ZNF236: variants seen among roughly 807,000 people sequenced by gnomAD.
ZNF236 encodes zinc finger protein 236, also known as regulated by glucose.
Under a neutral mutation model 191.2 loss-of-function variants are expected in ZNF236, and 50 were observed. That is an observed-to-expected ratio of 0.26 (90% CI 0.21 to 0.33). The LOEUF (loss-of-function observed/expected upper bound fraction) is 0.33, where lower values mean the gene tolerates loss of function less well. Among genes scored for constraint, ZNF236 ranks in the 10% least tolerant of loss-of-function variants. ZNF236 has a pLI of 1.00. For synonymous variants in ZNF236, 907 were observed against 928.8 expected, an observed-to-expected ratio of 0.98 and a Z score of 0.43; for missense variants, 1,754 against 2,374.5, an observed-to-expected ratio of 0.74 and a Z score of 5.43.
intron 5 of ZNF236, among the ~76,000 whole-genome samples, chr18:76,874,604 G>A (rs569760149): frequency 6.6e-6 from 1 of 152,096 alleles, no homozygotes; most frequent in Non-Finnish European, 1.5e-5. Flanking sequence ...AAGCAGAGAA[G>A]GGGGCTAGGG....
intron 26 of ZNF236, among the ~76,000 whole-genome samples, chr18:76,946,481 A>G (rs1437110495): frequency 6.6e-6 from 1 of 152,222 alleles, no homozygotes; most frequent in Non-Finnish European, 1.5e-5. Context: ...CAGCTTGTGT[A>G]GTTCCCTAAA....
At chr18:76,926,944 T>C (rs945566129) in intron 22 of ZNF236, 93 bp from the exon 23 acceptor site, 49 of 1,419,474 alleles carry the variant, frequency 3.5e-5, no homozygotes, top group Admixed American at 1.0e-4. Flanking sequence ...GTACAACTTA[T>C]GTATTTAAAA....
intron 14 of ZNF236, among the ~76,000 whole-genome samples, chr18:76,908,888 C>T (rs1967132396): frequency 6.6e-6 from 1 of 151,936 alleles, no homozygotes; most frequent in Non-Finnish European, 1.5e-5. Flanking sequence ...GCAAAATCTA[C>T]CGTCCTTATT....
At chr18:76,928,707 T>G (rs2122848738) in intron 25 of ZNF236, among the ~76,000 whole-genome samples, 1 of 152,262 alleles carries the variant, frequency 6.6e-6, no homozygotes, top group South Asian at 2.1e-4. Context: ...TTGTGTGCCT[T>G]CCTTGGTCCT....
intron 3 of ZNF236, among the ~76,000 whole-genome samples, chr18:76,864,735 G>A (rs978275420): frequency 3.3e-5 from 5 of 150,618 alleles, no homozygotes; most frequent in East Asian, 1.9e-4. Flanking sequence ...GAGGGAAAAC[G>A]GTACAAGACT....
intron 11 of ZNF236, among the ~76,000 whole-genome samples, chr18:76,900,158 A>G (rs1261483564): frequency 6.6e-6 from 1 of 152,224 alleles, no homozygotes; most frequent in East Asian, 1.9e-4. Flanking sequence ...TTAATTCCAA[A>G]GCATAACCTT....
chr18:76,867,707 C>G (rs955933676), intron 3 of ZNF236, among the ~76,000 whole-genome samples: 2 of 152,168 alleles, frequency 1.3e-5, no homozygotes, highest in Non-Finnish European at 2.9e-5. Context: ...GCAATGGCTA[C>G]TGATGAAGTA....
chr18:76,864,593 A>G (rs1332107004), intron 3 of ZNF236, among the ~76,000 whole-genome samples: 3 of 151,812 alleles, frequency 2.0e-5, no homozygotes, highest in African/African-American at 7.3e-5. Flanking sequence ...TAAGAATACA[A>G]AATTGGGGTG....
At chr18:76,957,668 C>T (rs894103169) in intron 28 of ZNF236, among the ~76,000 whole-genome samples, 91 of 152,186 alleles carry the variant, frequency 6.0e-4, no homozygotes, top group Non-Finnish European at 2.6e-4. Context: ...TCCTCTCCCT[C>T]CTCCCTCAAG....
chr18:76,919,498 A>G lies in ZNF236; in HGVS notation c.3275-278A>G, dbSNP rs113782071. On this transcript the variant is annotated intron_variant, in intron 19 of 30. Transcript: ENST00000320610. This position sits in a 1 kb window ranked among gnomAD's most constrained non-coding sequence, Gnocchi z 5.3. ...TCACCCTACTCTGCTATCAAACATT[A>G]GAGCTTATTCCTTCTATCTAAGCGG... 0.014 allele frequency among the ~76,000 whole-genome samples: 2,054 copies of G among 151,460 alleles called. 28 individuals are homozygous for G. The highest frequency in any genetic ancestry group is 0.021 in the Non-Finnish European group (1,432 of 67,488).
chr18:76,869,279 C>T (rs1976514221), intron 4 of ZNF236, among the ~76,000 whole-genome samples: 1 of 152,196 alleles, frequency 6.6e-6, no homozygotes, highest in African/African-American at 2.4e-5. Flanking sequence ...TTCATCATTA[C>T]AAACAACCCT....
rs775358207 is a variant in ZNF236 at position 76,919,770 on chromosome 18, G to A, written c.3275-6G>A. On this transcript the variant is annotated splice_region_variant and splice_polypyrimidine_tract_variant and intron_variant, in intron 19 of 30. Transcript: ENST00000320610. This position sits in a 1 kb window ranked among gnomAD's most constrained non-coding sequence, Gnocchi z 5.3. ...ATTTTGATCCCTTTTCCTTGATTTT[G>A]TGTAGACATTTGTATGGAGGAAGAG... is the stretch of plus-strand genomic sequence containing the variant. 1.8e-5 allele frequency: 29 copies of A among 1,610,330 alleles called. No homozygotes were observed. The East Asian group carries it at 3.6e-4, about 20-fold the overall frequency.
intron 4 of ZNF236, among the ~76,000 whole-genome samples, chr18:76,870,169 T>C (rs1370261046): frequency 6.6e-6 from 1 of 152,234 alleles, no homozygotes; most frequent in Non-Finnish European, 1.5e-5. Flanking sequence ...TTGAGAAATG[T>C]GGACTGGACA....
At chr18:76,837,296 C>T (rs868197081) in intron 1 of ZNF236, among the ~76,000 whole-genome samples, 3 of 151,942 alleles carry the variant, frequency 2.0e-5, no homozygotes, top group Admixed American at 6.6e-5. Flanking sequence ...TTGCCAAATC[C>T]GTAGTCACGA....
chr18:76,943,164 A>G (rs892525671), intron 26 of ZNF236, among the ~76,000 whole-genome samples: 10 of 151,612 alleles, frequency 6.6e-5, no homozygotes, highest in African/African-American at 2.4e-4. Context: ...TTGAGTTCAT[A>G]ATAGCAAAAA....
In ZNF236 at chr18:76,960,684, C is replaced by A; in HGVS notation, c.5248C>A (p.Arg1750=). The A allele has an allele frequency of 6.2e-7, 1 of 1,614,162 alleles. No homozygotes were observed. The highest frequency in any genetic ancestry group is 8.5e-7 in the Non-Finnish European group (1 of 1,180,028). ...ATATGCCATTTTCTGTACAGGGGAG[C>A]GGCCGTTCCATTGCACGCTTTGTGA... is the stretch of plus-strand genomic sequence containing the variant. ...ERHSRIHTGE[R]PFHCTLCEKA... is the part of the protein sequence containing the mutation. Residue 1750 remains arginine, a synonymous_variant, in exon 30 of 31, where the codon CGG becomes AGG. Transcript: ENST00000320610. The surrounding 1 kb of genome is among the most constrained non-coding windows in gnomAD (Gnocchi z 4.4).
chr18:76,841,701 T>G (rs149393207), intron 1 of ZNF236, among the ~76,000 whole-genome samples: 55 of 151,016 alleles, frequency 3.6e-4, no homozygotes, highest in African/African-American at 1.3e-3. Flanking sequence ...TTTCTTTTTT[T>G]TTTTTTTCTG....
At chr18:76,842,051 AAATT>A (rs1281698729) in intron 1 of ZNF236, among the ~76,000 whole-genome samples, 3 of 152,096 alleles carry the variant, frequency 2.0e-5, no homozygotes, top group African/African-American at 7.2e-5. Context: ...AGTGGAAGCA[AAATT>A]AATTAGGAGA....
chr18:76,918,448 AG>A (rs1206757241), intron 19 of ZNF236, among the ~76,000 whole-genome samples: 2 of 152,196 alleles, frequency 1.3e-5, no homozygotes, highest in Non-Finnish European at 2.9e-5. Context: ...TTTGAGAAAC[AG>A]GGTCTCACTC....
Sources: gnomAD v4.1 joint callset for allele counts (sites outside exome capture counted in the v4.1 genomes callset) on GRCh38, gnomAD v4.1.1 for gene constraint, Gnocchi (gnomAD v3.1) non-coding constraint, MANE v1.5 for transcripts, NCBI Gene and HGNC (gene_info 2026-07-23, HGNC 2026-07-21) for gene names.